The following SP4 variants were observed in gnomAD, a reference collection of about 807,000 sequenced individuals.
SP4 encodes the protein Sp4 transcription factor, also known as transcription factor Sp4.
A neutral mutation model predicts 72.8 loss-of-function variants in SP4; 19 were observed. That is an observed-to-expected ratio of 0.26 (90% confidence interval 0.18 to 0.38). The LOEUF (loss-of-function observed/expected upper bound fraction) is 0.38. SP4 is among the 10% of genes least tolerant of loss of function. SP4 has a pLI of 1.00. For missense variants in SP4, 1,008 were observed against 926.3 expected (o/e 1.09, Z -1.14); for synonymous variants, 395 against 333.1 (o/e 1.19, Z -2.02).
At chr7:21,505,066 AG>A (rs772503787) in intron 5 of SP4, among the ~76,000 whole-genome samples, 28 of 152,208 alleles carry the variant, frequency 1.8e-4, no homozygotes, top group Non-Finnish European at 2.5e-4. Flanking sequence ...ATTTCCTTTG[AG>A]GACAATTGCA....
At chr7:21,448,414 A>G (rs946208921) in intron 3 of SP4, among the ~76,000 whole-genome samples, 15 of 152,186 alleles carry the variant, frequency 9.9e-5, no homozygotes, top group African/African-American at 3.6e-4. Context: ...GTCAATCCTC[A>G]GTGGTTAGGA....
chr7:21,443,303 T>C (rs908783094), intron 3 of SP4, among the ~76,000 whole-genome samples: 4 of 152,112 alleles, frequency 2.6e-5, no homozygotes, highest in Non-Finnish European at 5.9e-5. Flanking sequence ...ACTCAAGATA[T>C]ATATTAAAGG....
chr7:21,476,135 A>G (rs753284997), intron 3 of SP4, among the ~76,000 whole-genome samples: 43 of 152,148 alleles, frequency 2.8e-4, no homozygotes, highest in Admixed American at 1.2e-3. Context: ...TTAGCTGGGC[A>G]TGGTGGCACA....
intron 5 of SP4, among the ~76,000 whole-genome samples, chr7:21,499,855 A>T (rs755952657): frequency 6.6e-6 from 1 of 152,186 alleles, no homozygotes; most frequent in Non-Finnish European, 1.5e-5. Context: ...GCAATTTGAA[A>T]AACAGATTAT....
At chr7:21,484,166 A>C (rs1456362983) in intron 5 of SP4, among the ~76,000 whole-genome samples, 1 of 151,958 alleles carries the variant, frequency 6.6e-6, no homozygotes, top group Non-Finnish European at 1.5e-5. Flanking sequence ...AATACAAATG[A>C]GTACAGATTG....
In SP4 at chr7:21,477,133, T is replaced by G; in HGVS notation, c.1733T>G (p.Val578Gly). 1 of 1,614,176 alleles carries G rather than the reference T, an allele frequency of 6.2e-7. No homozygotes were observed. Among genetic ancestry groups the G allele is most frequent in the Non-Finnish European group, 8.5e-7 (1 of 1,179,970 alleles). Reference protein sequence around the residue: ...VKVQQATIAPVTVAVGGIANA... With the variant: ...VKVQQATIAPGTVAVGGIANA... Reference sequence around the variant, plus strand: ...GTCCAGCAAGCTACTATAGCTCCTGTAACTGTAGCAGTTGGAGGAATTGCT... The same window carrying G: ...GTCCAGCAAGCTACTATAGCTCCTGGAACTGTAGCAGTTGGAGGAATTGCT... Residue 578 changes from valine (V) to glycine (G), a missense_variant, in exon 4 of 6, where the codon GTA (valine) becomes GGA (glycine). Transcript: ENST00000222584.
intron 5 of SP4, among the ~76,000 whole-genome samples, chr7:21,486,815 A>G (rs912923400): frequency 6.6e-6 from 1 of 152,168 alleles, no homozygotes; most frequent in Admixed American, 6.5e-5. Context: ...GGGGGAAGAG[A>G]ACTAAGCTTC....
chr7:21,487,897 T>C (rs944737787), intron 5 of SP4, among the ~76,000 whole-genome samples: 2 of 152,060 alleles, frequency 1.3e-5, no homozygotes, highest in African/African-American at 4.8e-5. Context: ...GGTCTCTGTC[T>C]GTCACCAGGC....
chr7:21,458,475 C>T (rs942622647), intron 3 of SP4, among the ~76,000 whole-genome samples: 7 of 152,146 alleles, frequency 4.6e-5, no homozygotes, highest in African/African-American at 1.4e-4. Context: ...TGAGCCACTG[C>T]GTCCGGCCAG....
chr7:21,454,054 A>G (rs1309527723), intron 3 of SP4, among the ~76,000 whole-genome samples: 1 of 152,228 alleles, frequency 6.6e-6, no homozygotes, highest in Non-Finnish European at 1.5e-5. Context: ...AGTAGTCTCA[A>G]GTACATGTTA....
chr7:21,493,179 G>A (rs1458607771), intron 5 of SP4, among the ~76,000 whole-genome samples: 7 of 142,730 alleles, frequency 4.9e-5, no homozygotes, highest in African/African-American at 1.9e-4. Context: ...CAGCCTGGAC[G>A]ACAGAGTGAG....
chr7:21,461,220 G>A (rs966327958), intron 3 of SP4, among the ~76,000 whole-genome samples: 2 of 152,166 alleles, frequency 1.3e-5, no homozygotes, highest in African/African-American at 2.4e-5. Context: ...TTGGGCAGTC[G>A]ATGGGACCGG....
chr7:21,456,123 C>T (rs1783757128), intron 3 of SP4, among the ~76,000 whole-genome samples: 2 of 152,150 alleles, frequency 1.3e-5, no homozygotes, highest in African/African-American at 2.4e-5. Flanking sequence ...TTTATTGGCC[C>T]TCTTGACCTA....
chr7:21,442,996 A>G lies in SP4; in HGVS notation c.1678+12153A>G, dbSNP rs532411758. Among the ~76,000 whole-genome samples, 114 of 152,316 alleles carry G rather than the reference A, an allele frequency of 7.5e-4. 2 individuals are homozygous for G. Among genetic ancestry groups the G allele is most frequent in the Non-Finnish European group, 1.0e-4 (7 of 68,024 alleles). On this transcript the variant is annotated intron_variant, in intron 3 of 5. Transcript: ENST00000222584. ...GGTGATCCACCCACCTTGGCCTCCC[A>G]AAGTGCTGGGATTACAGGTTTAAGC...
At chr7:21,497,763 TAAAAC>T (rs981321120) in intron 5 of SP4, among the ~76,000 whole-genome samples, 15 of 152,190 alleles carry the variant, frequency 9.9e-5, no homozygotes, top group Admixed American at 5.2e-4. Flanking sequence ...AGATGATAGT[TAAAAC>T]AAAGTGGATT....
chr7:21,501,245 G>A (rs1781854845), intron 5 of SP4, among the ~76,000 whole-genome samples: 1 of 152,040 alleles, frequency 6.6e-6, no homozygotes, highest in South Asian at 2.1e-4. Flanking sequence ...TTCTAGGTGC[G>A]TGAGCCGTGC....
At chr7:21,459,442 G>C (rs991549883) in intron 3 of SP4, among the ~76,000 whole-genome samples, 8 of 152,132 alleles carry the variant, frequency 5.3e-5, no homozygotes, top group African/African-American at 1.9e-4. Flanking sequence ...ACCCACACAA[G>C]CTGCCAGCTT....
intron 5 of SP4, among the ~76,000 whole-genome samples, chr7:21,502,351 T>C (rs1462884172): frequency 6.6e-6 from 1 of 152,164 alleles, no homozygotes; most frequent in African/African-American, 2.4e-5. Context: ...CATGGGCTTA[T>C]TGAACTCTGC....
chr7:21,470,229 A>T (rs897076810), intron 3 of SP4, among the ~76,000 whole-genome samples: 3 of 152,360 alleles, frequency 2.0e-5, no homozygotes, highest in East Asian at 1.9e-4. Flanking sequence ...ACATTCATTA[A>T]GTACTTTCAG....
Sources: allele counts gnomAD v4.1 joint callset (sites outside exome capture counted in the v4.1 genomes callset), GRCh38; gene constraint gnomAD v4.1.1; transcripts MANE v1.5; gene names NCBI Gene and HGNC (gene_info 2026-07-23, HGNC 2026-07-21).